CYP2J2: variants seen among roughly 807,000 people sequenced by gnomAD.
CYP2J2 encodes the protein cytochrome P450 family 2 subfamily J member 2.
In CYP2J2, 41 loss-of-function variants were observed where a neutral mutation model predicts 48.8. The observed-to-expected ratio is 0.84, with a 90% CI of 0.66 to 1.09. The LOEUF (loss-of-function observed/expected upper bound fraction) is 1.09, where lower values mean the gene tolerates loss of function less well. Among genes scored for constraint, CYP2J2 ranks in the 50% least tolerant of loss-of-function variants. CYP2J2 has a pLI of 0.00. For missense variants in CYP2J2, 644 were observed against 617.3 expected (o/e 1.04, Z -0.46); for synonymous variants, 221 against 227.1 (o/e 0.97, Z 0.24).
At position 59,893,587 on chromosome 1, in the gene CYP2J2, C is replaced by G. The variant is rs1644242668; in HGVS notation, c.*64G>C. 2 of 1,264,346 alleles carry G rather than the reference C, an allele frequency of 1.6e-6. No homozygotes were observed. The highest frequency in any genetic ancestry group is 2.2e-5 in the Admixed American group (1 of 46,188). 78.3% of individuals were successfully genotyped at this position (1,264,346 alleles called of 1,614,324 possible). A position where few individuals can be genotyped will look rare whatever the true frequency, so the allele number is the denominator to read the frequency against. ...TTGTCCCAACACATCTGAGCAGACA[C>G]CAGTGGTTTCAGAACACGTGCCATG... On this transcript the variant is annotated 3_prime_UTR_variant, in exon 9 of 9. Coordinates refer to ENST00000371204, the MANE Select transcript of CYP2J2 (RefSeq NM_000775.4).
At chr1:59,942,536 TA>T in the CYP2J2 span, among the ~76,000 whole-genome samples, 1 of 152,152 alleles carries the variant, frequency 6.6e-6, no homozygotes, top group East Asian at 1.9e-4. Flanking sequence ...CAGTTTGGTT[TA>T]TATTTTAAGT....
At chr1:59,929,454 A>G (rs1185164252), upstream of CYP2J2, among the ~76,000 whole-genome samples, 1 of 152,238 alleles carries the variant, frequency 6.6e-6, no homozygotes, top group East Asian at 1.9e-4. Flanking sequence ...CAAACGTAGC[A>G]AAGACTGTAA....
the CYP2J2 span, among the ~76,000 whole-genome samples, chr1:59,969,101 G>A: frequency 4.6e-5 from 7 of 152,186 alleles, no homozygotes; most frequent in African/African-American, 1.2e-4. Context: ...GACCTTCGCG[G>A]TGTTACAGCT....
the CYP2J2 span, among the ~76,000 whole-genome samples, chr1:59,967,988 A>T: frequency 2.0e-5 from 3 of 152,292 alleles, no homozygotes; most frequent in South Asian, 2.1e-4. Flanking sequence ...CAGCTTTGTG[A>T]TATCACAAAG....
the CYP2J2 span, among the ~76,000 whole-genome samples, chr1:59,939,431 CAAAT>C: frequency 6.6e-6 from 1 of 152,302 alleles, no homozygotes; most frequent in Non-Finnish European, 1.5e-5. Flanking sequence ...TTCTCTCAAA[CAAAT>C]AGAGTCTCTC....
chr1:59,949,765 AT>A, the CYP2J2 span, among the ~76,000 whole-genome samples: 1 of 146,220 alleles, frequency 6.8e-6, no homozygotes, highest in Non-Finnish European at 1.5e-5. Context: ...CTCAGCAGAT[AT>A]TTATTTTTCC....
intron 6 of CYP2J2, 97 bp from the exon 7 acceptor site, chr1:59,905,155 A>G (rs747761489): frequency 1.6e-6 from 2 of 1,229,910 alleles, no homozygotes; most frequent in African/African-American, 1.6e-5. Flanking sequence ...TTGTATTTCA[A>G]TTAGTGACCA....
At chr1:59,937,932 A>G in the CYP2J2 span, among the ~76,000 whole-genome samples, 2 of 152,024 alleles carry the variant, frequency 1.3e-5, no homozygotes, top group African/African-American at 4.8e-5. Flanking sequence ...AATTATCTCT[A>G]TCTTTTTGTT....
chr1:59,925,080 C>T (rs1273845928), intron 1 of CYP2J2, among the ~76,000 whole-genome samples: 1 of 152,146 alleles, frequency 6.6e-6, no homozygotes, highest in East Asian at 1.9e-4. Flanking sequence ...ATAAAAGGAT[C>T]AATTCACTAA....
At chr1:59,953,470 T>C in the CYP2J2 span, among the ~76,000 whole-genome samples, 1 of 150,628 alleles carries the variant, frequency 6.6e-6, no homozygotes, top group East Asian at 2.0e-4. Flanking sequence ...ATGAAGGCAG[T>C]AGCATAAGTT....
chr1:59,901,585 T>C (rs754328369), intron 7 of CYP2J2, among the ~76,000 whole-genome samples: 10 of 152,124 alleles, frequency 6.6e-5, no homozygotes, highest in African/African-American at 4.8e-5. Flanking sequence ...CCACTCCCCA[T>C]GGTAGGTTTA....
At chr1:59,936,937 T>G in the CYP2J2 span, among the ~76,000 whole-genome samples, 2 of 152,264 alleles carry the variant, frequency 1.3e-5, no homozygotes. Context: ...CTCAGGTTAC[T>G]TATTGGTTTA....
upstream of CYP2J2, among the ~76,000 whole-genome samples, chr1:59,931,470 ATTTT>A (rs202198893): frequency 6.6e-6 from 1 of 151,884 alleles, no homozygotes; most frequent in African/African-American, 2.4e-5. Flanking sequence ...CATTGTGTAC[ATTTT>A]TTTTAAATTA....
chr1:59,930,475 A>G (rs530244375), upstream of CYP2J2, among the ~76,000 whole-genome samples: 132 of 152,252 alleles, frequency 8.7e-4, no homozygotes, highest in African/African-American at 3.0e-3. Context: ...TGTGATTTTG[A>G]TCTTAATTTC....
Position 59,926,736 on chromosome 1 carries a change from G to A in CYP2J2, c.11C>T (p.Ala4Val), listed in dbSNP as rs150385320. The A allele has an allele frequency of 3.7e-6, 6 of 1,613,014 alleles. No individual in the cohort carries two copies. The African/African-American group carries it at 8.0e-5, about 22-fold the overall frequency. ...GAGGGCAGCCGCCAGAGAGCCCATC[G>A]CCGCGAGCATGGCTCAGACGTCCTC... MLA[A>V]MGSLAAALWA... The change falls in exon 1 of 9, where the codon GCG becomes GTG. Residue 4 changes from alanine (A) to valine (V), a missense_variant. Physicochemically the swap from Ala to Val is moderately conservative, Grantham distance 64. Coordinates refer to ENST00000371204, the MANE Select transcript of CYP2J2 (RefSeq NM_000775.4).
rs191083765 is a variant in CYP2J2, at chr1:59,916,118, C to T, written c.211-18G>A. On this transcript the variant is annotated intron_variant, in intron 1 of 8. Coordinates refer to ENST00000371204, the MANE Select transcript of CYP2J2 (RefSeq NM_000775.4). ...TTCACAAACTGAAAAATAGTTAAAT[C>T]GTAACAGTTGAATATGCACATGTCC... The T allele has an allele frequency of 2.1e-4, 339 of 1,601,976 alleles. No homozygotes were observed. The African/African-American group carries it at 3.0e-3, about 14-fold the overall frequency.
At chr1:59,927,103 G>C (rs1644573887), upstream of CYP2J2, among the ~76,000 whole-genome samples, 1 of 152,148 alleles carries the variant, frequency 6.6e-6, no homozygotes, top group Non-Finnish European at 1.5e-5. Flanking sequence ...TATATGCCAG[G>C]CAGCACATCC....
intron 1 of CYP2J2, among the ~76,000 whole-genome samples, chr1:59,924,766 A>G (rs1574263423): frequency 6.6e-6 from 1 of 152,094 alleles, no homozygotes; most frequent in African/African-American, 2.4e-5. Flanking sequence ...AAAAAACAGG[A>G]AAAACAAAAT....
At chr1:59,923,337 T>C (rs1644534451) in intron 1 of CYP2J2, among the ~76,000 whole-genome samples, 1 of 152,342 alleles carries the variant, frequency 6.6e-6, no homozygotes, top group Non-Finnish European at 1.5e-5. Flanking sequence ...CTAAATAGGC[T>C]ATATGCTAAA....
Sources: allele counts gnomAD v4.1 joint callset (sites outside exome capture counted in the v4.1 genomes callset), GRCh38; gene constraint gnomAD v4.1.1; transcripts MANE v1.5; gene names NCBI Gene and HGNC (gene_info 2026-07-23, HGNC 2026-07-21).